QKI: variants seen among roughly 807,000 people sequenced by gnomAD.
QKI encodes the protein KH domain-containing RNA-binding protein QKI.
Under a neutral mutation model 39.0 loss-of-function variants are expected in QKI, and 10 were observed. The observed-to-expected ratio is 0.26, with a 90% CI of 0.16 to 0.43. The LOEUF is 0.43. Among genes scored for constraint, QKI ranks in the 20% least tolerant of loss-of-function variants. The probability of loss-of-function intolerance (pLI) is 1.00; values close to 1 mark genes in which losing one functional copy is unlikely to be tolerated. For synonymous variants in QKI, 204 were observed against 155.4 expected (o/e 1.31, Z -2.33); for missense variants, 218 against 428.0 (o/e 0.51, Z 4.33).
At chr6:163,442,897 C>T (rs1406374827) in intron 1 of QKI, among the ~76,000 whole-genome samples, 1 of 152,032 alleles carries the variant, frequency 6.6e-6, no homozygotes, top group Non-Finnish European at 1.5e-5. Context: ...TTTACAATCT[C>T]AACACAGAGG....
At chr6:163,510,252 A>G (rs1396933374) in intron 3 of QKI, among the ~76,000 whole-genome samples, 1 of 136,252 alleles carries the variant, frequency 7.3e-6, no homozygotes, top group Non-Finnish European at 1.6e-5. Context: ...AATAATAATA[A>G]TAATAATAAG....
At chr6:163,510,217 A>AAATTATAAT (rs1389217749) in intron 3 of QKI, among the ~76,000 whole-genome samples, 30 of 136,260 alleles carry the variant, frequency 2.2e-4, no homozygotes, top group African/African-American at 4.1e-4. Flanking sequence ...CTCTATCTCA[A>AAATTATAAT]AATAATAATA....
intron 3 of QKI, among the ~76,000 whole-genome samples, chr6:163,513,860 G>A (rs1779634928): frequency 1.3e-5 from 2 of 151,980 alleles, no homozygotes; most frequent in African/African-American, 4.8e-5. Flanking sequence ...AAAAATAGTA[G>A]CAGAGTGTTA....
At chr6:163,457,694 TGTACCTG>T (rs1390869399) in intron 2 of QKI, 2 of 326,378 alleles carry the variant, frequency 6.1e-6, no homozygotes, top group Non-Finnish European at 1.2e-5. Flanking sequence ...TAGGTGATCA[TGTACCTG>T]GTCATTTTGC....
intron 4 of QKI, among the ~76,000 whole-genome samples, chr6:163,557,063 A>G (rs1782673738): frequency 6.6e-6 from 1 of 152,210 alleles, no homozygotes; most frequent in Admixed American, 6.5e-5. Context: ...CTGTTCACAT[A>G]TCCAAAAAGT....
rs1783138510 is a variant in QKI at position 163,563,189 on chromosome 6, T to TA, written c.635-230dup. Reference sequence around the variant, plus strand: ...TATTTAATGGTGTCATTCATTTTTTTACAATGGCTTTTTAATTTTTGCACA... The same window carrying TA: ...TATTTAATGGTGTCATTCATTTTTTTAACAATGGCTTTTTAATTTTTGCACA... On this transcript the variant is annotated intron_variant, in intron 5 of 7. Transcript: ENST00000361752. Among the ~76,000 whole-genome samples, 3 of 152,358 alleles carry TA rather than the reference T, an allele frequency of 2.0e-5. No homozygotes were observed. The South Asian group carries it at 6.2e-4, about 32-fold the overall frequency.
chr6:163,500,792 C>T (rs1279891442), intron 3 of QKI, among the ~76,000 whole-genome samples: 1 of 152,022 alleles, frequency 6.6e-6, no homozygotes, highest in African/African-American at 2.4e-5. Context: ...AATGTAAAAC[C>T]TAAAAGTAAA....
chr6:163,569,914 C>T, intron 7 of QKI: 1 of 987,162 alleles, frequency 1.0e-6, no homozygotes, highest in Non-Finnish European at 1.2e-6. Flanking sequence ...CAGGATTTTA[C>T]AGTGTTTACA....
At chr6:163,419,104 G>A (rs977237038) in intron 1 of QKI, among the ~76,000 whole-genome samples, 2 of 152,096 alleles carry the variant, frequency 1.3e-5, no homozygotes, top group South Asian at 4.1e-4. Flanking sequence ...TTCATTTTCT[G>A]ATGGTCTTTT....
chr6:163,537,988 A>G (rs1055122488), intron 4 of QKI, among the ~76,000 whole-genome samples: 11 of 152,188 alleles, frequency 7.2e-5, no homozygotes, highest in Non-Finnish European at 2.9e-5. Context: ...TTCAGGTTTC[A>G]TTTTTTTACT....
chr6:163,440,716 C>G (rs1562435947), intron 1 of QKI, among the ~76,000 whole-genome samples: 1 of 152,100 alleles, frequency 6.6e-6, no homozygotes, highest in Admixed American at 6.5e-5. Context: ...AGTTTTTGTT[C>G]ATTTAGTTTG....
At chr6:163,478,959 T>C (rs1792844875) in intron 3 of QKI, 63 bp downstream of exon 3, 8 of 1,341,810 alleles carry the variant, frequency 6.0e-6, no homozygotes, top group Non-Finnish European at 7.3e-6. Flanking sequence ...TACATCGTAA[T>C]AATAAAATTT....
At chr6:163,446,767 T>G (rs1360282251) in intron 1 of QKI, among the ~76,000 whole-genome samples, 2 of 152,052 alleles carry the variant, frequency 1.3e-5, no homozygotes, top group African/African-American at 4.8e-5. Flanking sequence ...AAGTAACTGG[T>G]TTTTCAAAAG....
chr6:163,538,416 G>A (rs991031991), intron 4 of QKI, among the ~76,000 whole-genome samples: 1 of 152,156 alleles, frequency 6.6e-6, no homozygotes, highest in Non-Finnish European at 1.5e-5. Flanking sequence ...AAAAACCTTA[G>A]CGAAAAGTGC....
intron 2 of QKI, among the ~76,000 whole-genome samples, chr6:163,476,101 T>C (rs561190717): frequency 6.6e-6 from 1 of 152,118 alleles, no homozygotes; most frequent in African/African-American, 2.4e-5. Context: ...TTAGCTTCAT[T>C]AGTAGTCAGA....
chr6:163,517,436 A>T (rs1381000614), intron 3 of QKI, among the ~76,000 whole-genome samples: 3 of 149,220 alleles, frequency 2.0e-5, no homozygotes, highest in East Asian at 2.2e-4. Flanking sequence ...TTGGTTTTTG[A>T]CACAGTCTCT....
intron 2 of QKI, among the ~76,000 whole-genome samples, chr6:163,467,480 A>G (rs941885223): frequency 1.3e-5 from 2 of 152,248 alleles, no homozygotes; most frequent in Non-Finnish European, 2.9e-5. Flanking sequence ...TTCTATTTCA[A>G]CATGGAAGTA....
At chr6:163,486,929 C>T (rs1469840858) in intron 3 of QKI, among the ~76,000 whole-genome samples, 1 of 152,174 alleles carries the variant, frequency 6.6e-6, no homozygotes, top group East Asian at 1.9e-4. Flanking sequence ...AGGCAGCATT[C>T]ATAGTGATAT....
chr6:163,450,976 G>C (rs1473801462), intron 1 of QKI, among the ~76,000 whole-genome samples: 1 of 152,160 alleles, frequency 6.6e-6, no homozygotes, highest in Non-Finnish European at 1.5e-5. Context: ...TGGGATCTGG[G>C]CCAAAGAAAT....
Sources: gnomAD v4.1 joint callset for allele counts (sites outside exome capture counted in the v4.1 genomes callset) on GRCh38, gnomAD v4.1.1 for gene constraint, MANE v1.5 for transcripts, NCBI Gene and HGNC (gene_info 2026-07-23, HGNC 2026-07-21) for gene names.